ESYT2: variants seen among roughly 807,000 people sequenced by gnomAD.
ESYT2 encodes extended synaptotagmin-2.
Under a neutral mutation model 107.2 loss-of-function variants are expected in ESYT2, and 54 were observed. The observed-to-expected ratio is 0.50, with a 90% CI of 0.40 to 0.63. The LOEUF is 0.63. Among genes scored for constraint, ESYT2 ranks in the 30% least tolerant of loss-of-function variants. The pLI is 0.00. For missense variants in ESYT2, 1,020 were observed against 1,094.5 expected (o/e 0.93, Z 0.96); for synonymous variants, 491 against 434.1 (o/e 1.13, Z -1.63).
chr7:158,806,093 C>T (rs1839820031), intron 1 of ESYT2, among the ~76,000 whole-genome samples: 1 of 152,108 alleles, frequency 6.6e-6, no homozygotes, highest in African/African-American at 2.4e-5. Context: ...GGCGCCGGGG[C>T]ACACCGCGTG....
At chr7:158,821,194 A>C (rs1353111094) in intron 1 of ESYT2, among the ~76,000 whole-genome samples, 2 of 152,232 alleles carry the variant, frequency 1.3e-5, no homozygotes, top group Non-Finnish European at 2.9e-5. Context: ...TTTATGGAAA[A>C]AATGATCCCA....
chr7:158,743,576 T>C lies in ESYT2; in HGVS notation c.1747A>G (p.Ser583Gly), dbSNP rs2305473. 306,479 of 1,611,932 alleles carry C rather than the reference T, an allele frequency of 0.19. 34,594 individuals carry two copies. The highest frequency in any genetic ancestry group is 0.56 in the East Asian group (25,105 of 44,548). The change falls in exon 17 of 23, where the codon AGT becomes GGT. Residue 583 changes from serine to glycine, a missense_variant. By Grantham distance (56) the Ser-to-Gly change is moderately conservative (BLOSUM62 0). Coordinates refer to ENST00000275418, the MANE Select transcript of ESYT2 (RefSeq NM_001367773.1). ...ATGGTGCTGTTTGGACCCGAGTTAC[T>C]GAGCTGGAAGCGCTGGCTCACAGTC... The part of the protein sequence containing the change: ...DMTVSQRFQL[S>G]NSGPNSTIKM...
intron 16 of ESYT2, among the ~76,000 whole-genome samples, chr7:158,746,061 T>C (rs138992227): frequency 7.0e-4 from 106 of 151,968 alleles, no homozygotes; most frequent in African/African-American, 2.4e-3. Flanking sequence ...TCAATAAACA[T>C]CTTGTAAGAC....
chr7:158,787,934 T>C (rs1839164386), intron 6 of ESYT2, 70 bp downstream of exon 6: 2 of 1,283,432 alleles, frequency 1.6e-6, no homozygotes, highest in Admixed American at 1.7e-5. Context: ...CTCCACTTTA[T>C]ATATTCTTCC....
At chr7:158,804,298 G>A (rs1318173408) in intron 1 of ESYT2, among the ~76,000 whole-genome samples, 2 of 99,202 alleles carry the variant, frequency 2.0e-5, no homozygotes, top group Non-Finnish European at 3.9e-5. Context: ...AACCCAAACC[G>A]TCGAGAAGGG....
chr7:158,771,374 G>A (rs773950043), intron 7 of ESYT2, among the ~76,000 whole-genome samples: 1 of 152,200 alleles, frequency 6.6e-6, no homozygotes, highest in Non-Finnish European at 1.5e-5. Flanking sequence ...CCTATTTCTA[G>A]AGAAAGTTTT....
chr7:158,783,065 C>G (rs1029138304), intron 6 of ESYT2, among the ~76,000 whole-genome samples: 1 of 152,144 alleles, frequency 6.6e-6, no homozygotes, highest in Non-Finnish European at 1.5e-5. Context: ...CTGGGAGCCT[C>G]GCCTCTGGAG....
Position 158,798,492 on chromosome 7 carries a change from C to T in ESYT2, c.373-416G>A, listed in dbSNP as rs372064222. Among the ~76,000 whole-genome samples, 35 of 151,384 alleles carry T rather than the reference C, an allele frequency of 2.3e-4. 1 individual carries two copies. Among genetic ancestry groups the T allele is most frequent in the South Asian group, 1.9e-3 (9 of 4,766 alleles). ...AGAAACTCCATCTCTACTAAAAATA[C>T]AAAATTAGCCAGGCGTGGTGGTGCG... On this transcript the variant is annotated intron_variant, in intron 2 of 22. Coordinates refer to ENST00000275418, the MANE Select transcript of ESYT2 (RefSeq NM_001367773.1).
intron 1 of ESYT2, among the ~76,000 whole-genome samples, chr7:158,810,681 TG>T (rs1305036080): frequency 1.4e-5 from 2 of 144,208 alleles, no homozygotes; most frequent in African/African-American, 2.7e-5. Context: ...GACCCTGTCT[TG>T]GGGGGGAAAA....
intron 13 of ESYT2, among the ~76,000 whole-genome samples, chr7:158,756,375 G>A (rs1036044859): frequency 5.3e-5 from 8 of 152,140 alleles, no homozygotes; most frequent in Non-Finnish European, 1.2e-4. Context: ...ACAAAGACAC[G>A]CTCAATTATC....
intron 1 of ESYT2, among the ~76,000 whole-genome samples, chr7:158,811,597 A>G (rs567228193): frequency 6.6e-6 from 1 of 152,378 alleles, no homozygotes; most frequent in Admixed American, 6.5e-5. Flanking sequence ...AGGCCGCCAC[A>G]GCTCACACAC....
chr7:158,736,992 T>C (rs796329109), intron 20 of ESYT2, 56 bp downstream of exon 20: 3 of 1,602,834 alleles, frequency 1.9e-6, no homozygotes, highest in South Asian at 1.1e-5. Context: ...TTTAGGGCCT[T>C]CTTAATCCGT....
intron 7 of ESYT2, among the ~76,000 whole-genome samples, chr7:158,768,478 A>G (rs1189197): frequency 0.94 from 143,329 of 152,326 alleles, 67,482 homozygotes; most frequent in Middle Eastern, 0.96. Context: ...GGAGTACAAC[A>G]GCATGATCTC....
In ESYT2 at chr7:158,741,648, G is replaced by C. The variant is rs779486617; in HGVS notation, c.2043C>G (p.Ser681Arg). The C allele has an allele frequency of 6.2e-7, 1 of 1,613,758 alleles. No individual in the cohort carries two copies. The highest frequency in any genetic ancestry group is 8.5e-7 in the Non-Finnish European group (1 of 1,180,016). ...GPQGLHDLGR[S>R]SSSLLASPGH... is the part of the protein sequence containing the mutation. ...CTGGGGAGGCCAGGAGGCTGGAGGAGCTTCTGCCCAGGTCGTGCAGCCCCT... is the reference window on the plus strand; with the variant it reads ...CTGGGGAGGCCAGGAGGCTGGAGGACCTTCTGCCCAGGTCGTGCAGCCCCT... The change falls in exon 18 of 23, where the codon AGC becomes AGG. Residue 681 changes from serine (S) to arginine (R), a missense_variant. By Grantham distance (110) the Ser-to-Arg change is moderately radical. Transcript: ENST00000275418.
chr7:158,762,797 G>A (rs1045747111), intron 10 of ESYT2, among the ~76,000 whole-genome samples: 4 of 152,212 alleles, frequency 2.6e-5, no homozygotes, highest in African/African-American at 9.6e-5. Context: ...TGTAAACAAA[G>A]AGAGTGCCAC....
At chr7:158,734,965 T>TAC (rs1235064750) in intron 21 of ESYT2, among the ~76,000 whole-genome samples, 3 of 152,232 alleles carry the variant, frequency 2.0e-5, no homozygotes, top group Non-Finnish European at 4.4e-5. Flanking sequence ...CATCGCTGAA[T>TAC]ACATCTAAGA....
chr7:158,807,973 G>C (rs142831241), intron 1 of ESYT2, among the ~76,000 whole-genome samples: 1 of 152,190 alleles, frequency 6.6e-6, no homozygotes. Flanking sequence ...GGGTAGGGCC[G>C]TCCAGCCTCT....
intron 6 of ESYT2, among the ~76,000 whole-genome samples, chr7:158,785,912 G>C (rs1381588684): frequency 1.3e-5 from 2 of 152,064 alleles, no homozygotes; most frequent in East Asian, 3.8e-4. Context: ...CCAAATAGTA[G>C]AAAGAAATTT....
intron 3 of ESYT2, among the ~76,000 whole-genome samples, chr7:158,795,217 A>C (rs1839422800): frequency 6.6e-6 from 1 of 152,244 alleles, no homozygotes; most frequent in South Asian, 2.1e-4. Context: ...CCATCCCTTC[A>C]TCAGAAAGCC....
Sources: allele counts gnomAD v4.1 joint callset (sites outside exome capture counted in the v4.1 genomes callset), GRCh38; gene constraint gnomAD v4.1.1; transcripts MANE v1.5; gene names NCBI Gene and HGNC (gene_info 2026-07-23, HGNC 2026-07-21).